Variants in TMEM132C observed in about 807,000 individuals in gnomAD.
The protein encoded by TMEM132C is transmembrane protein 132C, also known as protein phosphatase 1, regulatory subunit 152.
In TMEM132C, 29 loss-of-function variants were observed where a neutral mutation model predicts 61.4. That is an observed-to-expected ratio of 0.47 (90% confidence interval 0.35 to 0.64). TMEM132C has a LOEUF of 0.64. TMEM132C is among the 30% of genes least tolerant of loss of function. The probability of loss-of-function intolerance (pLI) is 0.00; values close to 1 mark genes in which losing one functional copy is unlikely to be tolerated. For synonymous variants in TMEM132C, 656 were observed against 633.1 expected, an observed-to-expected ratio of 1.04 and a Z score of -0.54; for missense variants, 1,408 against 1,476.9, an observed-to-expected ratio of 0.95 and a Z score of 0.76.
At chr12:128,364,637 TACAG>T (rs1198485291) in intron 1 of TMEM132C, among the ~76,000 whole-genome samples, 2 of 152,196 alleles carry the variant, frequency 1.3e-5, no homozygotes, top group African/African-American at 4.8e-5. Flanking sequence ...GCTGTGTGTT[TACAG>T]ACAGAGACCC....
chr12:128,303,166 A>C (rs1208358642), intron 1 of TMEM132C, among the ~76,000 whole-genome samples: 1 of 152,226 alleles, frequency 6.6e-6, no homozygotes, highest in Admixed American at 6.5e-5. Flanking sequence ...TATGGGTGTT[A>C]AAACAAAAGG....
intron 1 of TMEM132C, among the ~76,000 whole-genome samples, chr12:128,400,965 C>T (rs143174093): frequency 6.6e-6 from 1 of 152,162 alleles, no homozygotes; most frequent in African/African-American, 2.4e-5. Flanking sequence ...TAAAATGTAC[C>T]CTTGGGAGCA....
chr12:128,290,340 G>A (rs1478654580), intron 1 of TMEM132C, among the ~76,000 whole-genome samples: 1 of 152,000 alleles, frequency 6.6e-6, no homozygotes, highest in Non-Finnish European at 1.5e-5. Context: ...GGCAGCAGGA[G>A]AGAGAGAGAG....
chr12:128,696,946 C>CT (rs1475577563), intron 7 of TMEM132C, among the ~76,000 whole-genome samples: 1 of 152,182 alleles, frequency 6.6e-6, no homozygotes, highest in Non-Finnish European at 1.5e-5. Flanking sequence ...CATACTTCAT[C>CT]TAAATAGGAG....
chr12:128,564,625 GATAAC>G (rs1437040619), intron 3 of TMEM132C, among the ~76,000 whole-genome samples: 4 of 152,200 alleles, frequency 2.6e-5, no homozygotes, highest in African/African-American at 9.7e-5. Flanking sequence ...GGGGTTGAGA[GATAAC>G]ATCTGCCATT....
At chr12:128,424,383 C>T (rs185040184) in intron 2 of TMEM132C, among the ~76,000 whole-genome samples, 1 of 150,504 alleles carries the variant, frequency 6.6e-6, no homozygotes, top group Non-Finnish European at 1.5e-5. Context: ...ATATATTATT[C>T]AGCCATAAAA....
At chr12:128,517,957 G>C (rs1872770870) in intron 2 of TMEM132C, among the ~76,000 whole-genome samples, 1 of 152,188 alleles carries the variant, frequency 6.6e-6, no homozygotes, top group African/African-American at 2.4e-5. Context: ...GACCAGAATA[G>C]ACCTGTAGAG....
At position 128,326,652 on chromosome 12, in the gene TMEM132C, T is replaced by A. The variant is rs569756360; in HGVS notation, c.85+59165T>A. 6.6e-6 allele frequency among the ~76,000 whole-genome samples: 1 copy of A among 152,242 alleles called. No individual in the cohort carries two copies. The highest frequency in any genetic ancestry group is 2.4e-5 in the African/African-American group (1 of 41,554). ...ACAGCGTGGGTAATTAGACTGTCAC[T>A]CTCGAGGAAGGGAACACTGAAGCAG... On this transcript the variant is annotated intron_variant, in intron 1 of 8. Transcript: ENST00000435159. The surrounding 1 kb of genome is among the most constrained non-coding windows in gnomAD (Gnocchi z 5.6).
At chr12:128,485,656 G>GC (rs376769775) in intron 2 of TMEM132C, among the ~76,000 whole-genome samples, 9 of 152,116 alleles carry the variant, frequency 5.9e-5, no homozygotes, top group African/African-American at 2.2e-4. Flanking sequence ...ACACAGGACA[G>GC]CCCCCCACAG....
At chr12:128,669,360 G>T in intron 4 of TMEM132C, 57 bp from the exon 5 acceptor site, 5 of 1,540,246 alleles carry the variant, frequency 3.2e-6, no homozygotes, top group Non-Finnish European at 4.4e-6. Context: ...GAATTGTCCA[G>T]TTCCCAACAG....
chr12:128,614,453 C>G lies in TMEM132C; in HGVS notation c.1122-1699C>G, dbSNP rs867711572. Among the ~76,000 whole-genome samples the G allele has an allele frequency of 3.3e-5, 5 of 151,486 alleles. 1 individual carries two copies. The South Asian group carries it at 6.2e-4, about 19-fold the overall frequency. On this transcript the variant is annotated intron_variant, in intron 3 of 8. Transcript: ENST00000435159. ...CTGTCTCCTGCCCTAAGGAAACAAACAAACAAATTAAAAAAAAAAACTGTT... is the reference window on the plus strand; with the variant it reads ...CTGTCTCCTGCCCTAAGGAAACAAAGAAACAAATTAAAAAAAAAAACTGTT...
At chr12:128,562,015 C>T (rs1365239445) in intron 3 of TMEM132C, among the ~76,000 whole-genome samples, 1 of 152,072 alleles carries the variant, frequency 6.6e-6, no homozygotes, top group East Asian at 1.9e-4. Flanking sequence ...AGGAAGATAC[C>T]GTCAACCAGT....
intron 5 of TMEM132C, among the ~76,000 whole-genome samples, chr12:128,682,204 G>C (rs1370213325): frequency 1.3e-5 from 2 of 152,176 alleles, no homozygotes; most frequent in African/African-American, 4.8e-5. Context: ...CTCTACACAG[G>C]AGTGGGGCAA....
intron 8 of TMEM132C, among the ~76,000 whole-genome samples, chr12:128,699,776 A>G (rs1448474906): frequency 6.6e-6 from 1 of 152,166 alleles, no homozygotes; most frequent in Non-Finnish European, 1.5e-5. Context: ...GGCGCAGAAC[A>G]TCTTTGGTGG....
intron 5 of TMEM132C, among the ~76,000 whole-genome samples, chr12:128,674,908 G>A (rs1016067783): frequency 6.7e-6 from 1 of 149,108 alleles, no homozygotes; most frequent in East Asian, 2.0e-4. Context: ...AGCTCCCACC[G>A]GCACCTTCTG....
chr12:128,670,452 G>A (rs990349977), intron 5 of TMEM132C, among the ~76,000 whole-genome samples: 1 of 151,872 alleles, frequency 6.6e-6, no homozygotes, highest in African/African-American at 2.4e-5. Context: ...CCATCCCCTG[G>A]TAACTGCCAT....
intron 2 of TMEM132C, among the ~76,000 whole-genome samples, chr12:128,450,121 C>T (rs886470848): frequency 3.9e-5 from 6 of 152,198 alleles, no homozygotes; most frequent in African/African-American, 1.4e-4. Context: ...TAGTCTATAT[C>T]AGTGCTGCCT....
rs547477169 is a variant in TMEM132C, at chr12:128,465,766, G to A, written c.974+50146G>A. Among the ~76,000 whole-genome samples the A allele has an allele frequency of 1.6e-4, 24 of 152,342 alleles. No individual in the cohort carries two copies. In the South Asian group the frequency reaches 3.7e-3, roughly 24 times the overall value. On this transcript the variant is annotated intron_variant, in intron 2 of 8. Transcript: ENST00000435159. The stretch of plus-strand genomic sequence containing the variant: ...TCAAGGGTGGCAGTAAGCATGCCAC[G>A]CGTTAAGGTGCAGAACCTGACTACA...
chr12:128,568,492 G>C (rs747687674), intron 3 of TMEM132C, among the ~76,000 whole-genome samples: 12 of 152,098 alleles, frequency 7.9e-5, no homozygotes, highest in African/African-American at 2.9e-4. Context: ...CCGTGGACTG[G>C]GCATTATTCT....
Sources: allele counts gnomAD v4.1 joint callset (sites outside exome capture counted in the v4.1 genomes callset), GRCh38; gene constraint gnomAD v4.1.1; non-coding constraint Gnocchi (gnomAD v3.1); transcripts MANE v1.5; gene names NCBI Gene and HGNC (gene_info 2026-07-23, HGNC 2026-07-21).